Variants in SLC12A6 observed in about 807,000 individuals in gnomAD.
SLC12A6 encodes the protein solute carrier family 12 member 6.
SLC12A6 carries 66 observed loss-of-function variants against 135.3 expected under a neutral mutation model. That is an observed-to-expected ratio of 0.49 (90% CI 0.40 to 0.60). The LOEUF is 0.60. SLC12A6 is among the 20% of genes least tolerant of loss of function. The pLI is 0.00. For missense variants in SLC12A6, 1,058 were observed against 1,452.3 expected, an observed-to-expected ratio of 0.73 and a Z score of 4.41; for synonymous variants, 513 against 508.8, an observed-to-expected ratio of 1.01 and a Z score of -0.11.
At chr15:34,274,396 A>G (rs347822) in intron 3 of SLC12A6, among the ~76,000 whole-genome samples, 58,663 of 152,130 alleles carry the variant, frequency 0.39, 14,354 homozygotes, top group African/African-American at 0.71. Context: ...AGAGGTGGAA[A>G]TGAGGTGGTA....
In SLC12A6 at chr15:34,271,602, TACAC is replaced by T. The variant is rs10588100; in HGVS notation, c.316+3739_316+3742del. On this transcript the variant is annotated intron_variant, in intron 3 of 25. Coordinates refer to ENST00000354181, the MANE Select transcript of SLC12A6 (RefSeq NM_001365088.1). The stretch of plus-strand genomic sequence containing the variant: ...CTAAAAATTTTTTTAAGTGCAAAGC[TACAC>T]ACACACACACACACACACACACAGA... 4.2e-4 allele frequency among the ~76,000 whole-genome samples: 63 copies of T among 148,750 alleles called. 1 individual carries two copies. The highest frequency in any genetic ancestry group is 3.4e-3 in the Middle Eastern group (1 of 294).
At chr15:34,263,568 T>G (rs188947086) in intron 3 of SLC12A6, among the ~76,000 whole-genome samples, 85 of 152,156 alleles carry the variant, frequency 5.6e-4, no homozygotes, top group African/African-American at 2.0e-3. Context: ...ACCAGGCCCA[T>G]AAGACAGCAA....
At position 34,255,376 on chromosome 15, in the gene SLC12A6, A is replaced by G; in HGVS notation, c.762T>C (p.Phe254=). The G allele has an allele frequency of 5.0e-6, 8 of 1,610,640 alleles. No homozygotes were observed. The highest frequency in any genetic ancestry group is 5.9e-6 in the Non-Finnish European group (7 of 1,176,742). Residue 254 remains phenylalanine, a synonymous_variant, in exon 8 of 26, where the codon TTT becomes TTC. Transcript: ENST00000354181. ...NGVVPAGGSY[F]MISRALGPEF... ...CTGGGCCCAGTGCCCGGGAAATCAT[A>G]AAGTATGAGCCCCCAGCTAAAAGAC... is the stretch of plus-strand genomic sequence containing the variant.
intron 3 of SLC12A6, among the ~76,000 whole-genome samples, chr15:34,274,089 C>G (rs1403400604): frequency 6.6e-6 from 1 of 152,116 alleles, no homozygotes; most frequent in Non-Finnish European, 1.5e-5. Flanking sequence ...CAACTTACAA[C>G]AGTAACACAC....
chr15:34,328,917 T>C (rs1210519776), intron 2 of SLC12A6, among the ~76,000 whole-genome samples: 1 of 152,188 alleles, frequency 6.6e-6, no homozygotes, highest in Non-Finnish European at 1.5e-5. Flanking sequence ...TAAAAACATA[T>C]ATACACTGAA....
chr15:34,264,151 C>G (rs1893340547), intron 3 of SLC12A6, among the ~76,000 whole-genome samples: 1 of 152,236 alleles, frequency 6.6e-6, no homozygotes, highest in Admixed American at 6.5e-5. Context: ...AAAAAAATCA[C>G]TAATAAAATA....
intron 3 of SLC12A6, among the ~76,000 whole-genome samples, chr15:34,263,668 A>AT (rs1481893870): frequency 6.6e-6 from 1 of 152,148 alleles, no homozygotes; most frequent in East Asian, 1.9e-4. Flanking sequence ...AGAAAAAAAA[A>AT]CATAAATGCT....
intron 20 of SLC12A6, 65 bp from the exon 21 acceptor site, chr15:34,238,466 GA>G (rs1891426051): frequency 8.1e-7 from 1 of 1,240,138 alleles, no homozygotes; most frequent in Non-Finnish European, 1.2e-6. Flanking sequence ...AGCATGTCAG[GA>G]AAGCAAGGAA....
intron 2 of SLC12A6, among the ~76,000 whole-genome samples, chr15:34,281,031 A>C (rs1894643260): frequency 6.6e-6 from 1 of 152,184 alleles, no homozygotes; most frequent in Admixed American, 6.5e-5. Context: ...CTTGAGGGTG[A>C]GAAGGGCATG....
rs1243299070 is a variant in SLC12A6, at chr15:34,275,404, A to G, written c.272-15T>C. ...CTGACTCAGGTCTGAAAAACAAACA[A>G]TTGAAAAGAAAAGAAAAAAATGAAT... On this transcript the variant is annotated splice_polypyrimidine_tract_variant and intron_variant, in intron 2 of 25. Coordinates refer to ENST00000354181, the MANE Select transcript of SLC12A6 (RefSeq NM_001365088.1). The G allele has an allele frequency of 5.5e-6, 8 of 1,448,802 alleles. No individual in the cohort carries two copies. Among genetic ancestry groups the G allele is most frequent in the Admixed American group, 3.4e-5 (2 of 59,588 alleles). The allele number at this position is 1,448,802 out of a possible 1,614,324, so 89.7% of individuals were successfully genotyped here.
intron 2 of SLC12A6, among the ~76,000 whole-genome samples, chr15:34,293,441 T>C (rs1208384555): frequency 1.3e-5 from 2 of 152,072 alleles, no homozygotes; most frequent in African/African-American, 4.8e-5. Flanking sequence ...GTAGCTGAGA[T>C]TACAGGTGCC....
At chr15:34,261,090 A>G in intron 3 of SLC12A6, 70 bp from the exon 4 acceptor site, 2 of 826,256 alleles carry the variant, frequency 2.4e-6, no homozygotes, top group Non-Finnish European at 4.3e-6. Flanking sequence ...GCACCAGATA[A>G]GTGCAGGTTG....
At position 34,240,676 on chromosome 15, in the gene SLC12A6, A is replaced by G. The variant is rs1595408694; in HGVS notation, c.2421T>C (p.Ala807=). 1 of 1,613,912 alleles carries G rather than the reference A, an allele frequency of 6.2e-7. No homozygotes were observed. The highest frequency in any genetic ancestry group is 1.1e-5 in the South Asian group (1 of 91,090). Residue 807 remains alanine (A), a synonymous_variant, in exon 19 of 26, where the codon GCT becomes GCC. Transcript: ENST00000354181. The stretch of plus-strand genomic sequence containing the variant: ...TGACTCTTACCTGCTCAGCAGCTAA[A>G]GCTTCACCGTAGTTCTCTAGGAAGT... ...VGNFLENYGE[A]LAAEQTIKHL... is the part of the protein sequence containing the mutation.
At chr15:34,298,825 A>G (rs1047225250) in intron 2 of SLC12A6, among the ~76,000 whole-genome samples, 2 of 152,094 alleles carry the variant, frequency 1.3e-5, no homozygotes, top group African/African-American at 2.4e-5. Context: ...AATCTATTCC[A>G]TTGCACTGCC....
At chr15:34,240,640 C>A in intron 19 of SLC12A6, 21 bp downstream of exon 19, 2 of 1,607,736 alleles carry the variant, frequency 1.2e-6, no homozygotes, top group African/African-American at 1.3e-5. Context: ...AGTTCCAATA[C>A]CTCAAAAGCC....
intron 2 of SLC12A6, among the ~76,000 whole-genome samples, chr15:34,322,978 C>CAAAAAAAAAAAAAAAAAAAGGAAAA (rs1889210158): frequency 2.6e-5 from 1 of 39,038 alleles, no homozygotes; most frequent in Non-Finnish European, 5.0e-5. Context: ...AACTCTGTCT[C>CAAAAAAAAAAAAAAAAAAAGGAAAA]AAAAAAAAAA....
intron 3 of SLC12A6, among the ~76,000 whole-genome samples, chr15:34,272,976 A>C (rs931266896): frequency 3.9e-5 from 6 of 152,246 alleles, no homozygotes; most frequent in Non-Finnish European, 7.3e-5. Flanking sequence ...ATGAAAGTTT[A>C]ATCGTTCCTG....
chr15:34,309,408 G>T (rs1056218950), intron 2 of SLC12A6, among the ~76,000 whole-genome samples: 3 of 151,966 alleles, frequency 2.0e-5, no homozygotes, highest in Non-Finnish European at 2.9e-5. Context: ...ATATTTTATA[G>T]CAATTTTTAT....
chr15:34,291,208 C>T (rs1237952608), intron 2 of SLC12A6, among the ~76,000 whole-genome samples: 1 of 152,168 alleles, frequency 6.6e-6, no homozygotes, highest in Non-Finnish European at 1.5e-5. Flanking sequence ...ACTTGCTTGT[C>T]TGTAAAGGAT....
Sources: allele counts gnomAD v4.1 joint callset (sites outside exome capture counted in the v4.1 genomes callset), GRCh38; gene constraint gnomAD v4.1.1; transcripts MANE v1.5; gene names NCBI Gene and HGNC (gene_info 2026-07-23, HGNC 2026-07-21).